The following ROBO1 variants were observed in gnomAD, a reference collection of about 807,000 sequenced individuals.
ROBO1 encodes the protein roundabout guidance receptor 1.
A neutral mutation model predicts 195.9 loss-of-function variants in ROBO1; 149 were observed. That is an observed-to-expected ratio of 0.76 (90% confidence interval 0.67 to 0.87). The LOEUF (loss-of-function observed/expected upper bound fraction) is 0.87, where lower values mean the gene tolerates loss of function less well. Among genes scored for constraint, ROBO1 ranks in the 40% least tolerant of loss-of-function variants. ROBO1 has a pLI of 0.00. For missense variants in ROBO1, 1,933 were observed against 2,068.3 expected (o/e 0.93, Z 1.27); for synonymous variants, 816 against 733.2 (o/e 1.11, Z -1.82).
At chr3:79,355,295 G>T (rs773071568) in intron 2 of ROBO1, among the ~76,000 whole-genome samples, 2 of 152,024 alleles carry the variant, frequency 1.3e-5, no homozygotes, top group Non-Finnish European at 2.9e-5. Context: ...TAATGCAGCT[G>T]TAATAAGTGC....
intron 4 of ROBO1, among the ~76,000 whole-genome samples, chr3:78,851,600 T>C (rs1450205521): frequency 6.6e-6 from 1 of 152,220 alleles, no homozygotes; most frequent in Non-Finnish European, 1.5e-5. Context: ...ATATGGTTAA[T>C]AATTCTCACA....
intron 5 of ROBO1, among the ~76,000 whole-genome samples, chr3:78,738,328 GACAT>G (rs1559802368): frequency 1.3e-5 from 2 of 152,154 alleles, no homozygotes; most frequent in African/African-American, 4.8e-5. Flanking sequence ...AAGACCTGAT[GACAT>G]ACTCCATTCT....
intron 2 of ROBO1, among the ~76,000 whole-genome samples, chr3:79,204,194 A>C (rs2108785681): frequency 6.6e-6 from 1 of 152,090 alleles, no homozygotes; most frequent in Admixed American, 6.6e-5. Flanking sequence ...ATCACTTCAA[A>C]CCTCTATTTT....
chr3:79,350,075 A>T (rs934574240), intron 2 of ROBO1, among the ~76,000 whole-genome samples: 13 of 152,244 alleles, frequency 8.5e-5, no homozygotes, highest in Non-Finnish European at 1.2e-4. Context: ...GTACATAAAT[A>T]ACAAAACAGC....
rs1303283796 is a variant in ROBO1 at position 78,746,890 on chromosome 3, A to C, written c.510T>G (p.Asp170Glu). 6.4e-7 allele frequency: 1 copy of C among 1,567,252 alleles called. No homozygotes were observed. Among genetic ancestry groups the C allele is most frequent in the South Asian group, 1.2e-5 (1 of 84,784 alleles). ...NASLEVAILRDDFRQNPSDVM... is the reference protein window; with the variant it reads ...NASLEVAILREDFRQNPSDVM... ...CATCCGAAGGGTTTTGTCTGAAGTC[A>C]TCCCGAAGTACTGTAGGAACAAGAT... The change falls in exon 5 of 31, where the codon GAT becomes GAG. Residue 170 changes from aspartate to glutamate, a missense_variant. Physicochemically the swap from Asp to Glu is conservative, Grantham distance 45 (BLOSUM62 2). Coordinates refer to ENST00000464233, the MANE Select transcript of ROBO1 (RefSeq NM_002941.4).
chr3:78,888,079 T>TA, intron 4 of ROBO1, among the ~76,000 whole-genome samples: 1 of 152,276 alleles, frequency 6.6e-6, no homozygotes, highest in Middle Eastern at 3.4e-3. Context: ...ACAACAGACA[T>TA]TGTATTTCTT....
At chr3:79,097,429 A>G (rs1455829) in intron 3 of ROBO1, among the ~76,000 whole-genome samples, 151,494 of 151,884 alleles carry the variant, frequency 1, 75,555 homozygotes, top group Non-Finnish European at 1. Flanking sequence ...GTTTCAAGTA[A>G]TATAATTCAT....
intron 3 of ROBO1, among the ~76,000 whole-genome samples, chr3:79,085,266 C>T (rs2079346722): frequency 6.6e-6 from 1 of 152,136 alleles, no homozygotes; most frequent in African/African-American, 2.4e-5. Flanking sequence ...AATTTCTTTA[C>T]TTATTTAATT....
chr3:78,922,902 T>G (rs530242847), intron 4 of ROBO1, among the ~76,000 whole-genome samples: 193 of 152,220 alleles, frequency 1.3e-3, no homozygotes, highest in Non-Finnish European at 2.3e-3. Context: ...CTGGACTCAT[T>G]GTCTGATTTT....
chr3:79,618,141 G>A (rs1250176405), intron 1 of ROBO1, among the ~76,000 whole-genome samples: 2 of 151,926 alleles, frequency 1.3e-5, no homozygotes, highest in Non-Finnish European at 2.9e-5. Flanking sequence ...AAAAAAATAC[G>A]AACCTATGAG....
At chr3:78,959,157 A>C (rs1023000529) in intron 3 of ROBO1, among the ~76,000 whole-genome samples, 32 of 151,852 alleles carry the variant, frequency 2.1e-4, no homozygotes, top group African/African-American at 7.2e-4. Context: ...ATATCCCATC[A>C]AAAAAAATTA....
chr3:79,528,054 G>C (rs1011536285), intron 2 of ROBO1, among the ~76,000 whole-genome samples: 21 of 152,234 alleles, frequency 1.4e-4, no homozygotes, highest in Non-Finnish European at 1.3e-4. Context: ...GTTTTTGCTT[G>C]ATGATTTGGT....
chr3:79,405,705 T>C (rs576442881), intron 2 of ROBO1, among the ~76,000 whole-genome samples: 3 of 152,286 alleles, frequency 2.0e-5, no homozygotes, highest in African/African-American at 7.2e-5. Context: ...TAACTTTATA[T>C]TGTGGATCAA....
At chr3:79,102,737 C>T (rs2079701242) in intron 3 of ROBO1, among the ~76,000 whole-genome samples, 1 of 151,768 alleles carries the variant, frequency 6.6e-6, no homozygotes, top group South Asian at 2.1e-4. Context: ...ATAAAAGTCA[C>T]TAAAGCAGAT....
At chr3:79,749,350 T>C (rs1704022660) in intron 1 of ROBO1, among the ~76,000 whole-genome samples, 1 of 152,184 alleles carries the variant, frequency 6.6e-6, no homozygotes, top group Admixed American at 6.5e-5. Context: ...AAGCAGAGCA[T>C]AAAAGTTTGG....
At chr3:79,667,926 T>G (rs973452887) in intron 1 of ROBO1, among the ~76,000 whole-genome samples, 1 of 151,798 alleles carries the variant, frequency 6.6e-6, no homozygotes, top group African/African-American at 2.4e-5. Context: ...TTATAACATA[T>G]GAAGAAACAT....
chr3:78,649,302 G>T (rs1160331738), intron 19 of ROBO1, among the ~76,000 whole-genome samples: 3 of 152,010 alleles, frequency 2.0e-5, no homozygotes, highest in Non-Finnish European at 4.4e-5. Flanking sequence ...AGATGAAAAG[G>T]AGGTCAATCT....
chr3:79,539,152 A>C (rs2107635929), intron 2 of ROBO1, among the ~76,000 whole-genome samples: 1 of 152,306 alleles, frequency 6.6e-6, no homozygotes, highest in Non-Finnish European at 1.5e-5. Context: ...CAAATTCCTT[A>C]TCAATTGAAA....
chr3:78,934,954 G>A (rs2039723484), intron 4 of ROBO1, among the ~76,000 whole-genome samples: 1 of 151,852 alleles, frequency 6.6e-6, no homozygotes, highest in African/African-American at 2.4e-5. Context: ...AGGTAAACAC[G>A]TGGCTACTCA....
Sources: allele counts gnomAD v4.1 joint callset (sites outside exome capture counted in the v4.1 genomes callset), GRCh38; gene constraint gnomAD v4.1.1; transcripts MANE v1.5; gene names NCBI Gene and HGNC (gene_info 2026-07-23, HGNC 2026-07-21).